Variants in XPR1 observed in about 807,000 individuals in gnomAD.
The protein encoded by XPR1 is xenotropic and polytropic retrovirus receptor 1.
A neutral mutation model predicts 87.5 loss-of-function variants in XPR1; 28 were observed. That is an observed-to-expected ratio of 0.32 (90% CI 0.24 to 0.44). XPR1 has a LOEUF of 0.44. XPR1 is among the 20% of genes least tolerant of loss of function. The pLI is 1.00. For missense variants in XPR1, 559 were observed against 862.3 expected (o/e 0.65, Z 4.41); for synonymous variants, 300 against 306.1 (o/e 0.98, Z 0.21).
intron 1 of XPR1, among the ~76,000 whole-genome samples, chr1:180,658,224 C>A (rs974017839): frequency 1.3e-5 from 2 of 152,158 alleles, no homozygotes; most frequent in African/African-American, 4.8e-5. Context: ...AAGATCATAT[C>A]ATCTGCAAAC....
intron 11 of XPR1, among the ~76,000 whole-genome samples, chr1:180,849,398 A>C (rs932962699): frequency 6.6e-6 from 1 of 152,154 alleles, no homozygotes; most frequent in African/African-American, 2.4e-5. Context: ...GTGATCCTCA[A>C]ATTTTGGTGT....
intron 2 of XPR1, among the ~76,000 whole-genome samples, chr1:180,686,940 T>G (rs1396154780): frequency 6.6e-6 from 1 of 152,304 alleles, no homozygotes; most frequent in East Asian, 1.9e-4. Flanking sequence ...GGAATTGGCA[T>G]TTAGTTTCAT....
rs373308290 is a variant in XPR1 at position 180,708,682 on chromosome 1, C to T, written c.121+26271C>T. Among the ~76,000 whole-genome samples the T allele has an allele frequency of 4.7e-4, 71 of 151,760 alleles. 1 individual carries two copies. Among genetic ancestry groups the T allele is most frequent in the African/African-American group, 1.6e-3 (68 of 41,398 alleles). On this transcript the variant is annotated intron_variant, in intron 2 of 14. Coordinates refer to ENST00000367590, the MANE Select transcript of XPR1 (RefSeq NM_004736.4). ...AAACGTGACTCTGCATATGACTTTCCTTAAATATTTTTTGAATGTTTTATT... is the reference window on the plus strand; with the variant it reads ...AAACGTGACTCTGCATATGACTTTCTTTAAATATTTTTTGAATGTTTTATT...
intron 2 of XPR1, among the ~76,000 whole-genome samples, chr1:180,711,608 G>T: frequency 6.6e-6 from 1 of 152,188 alleles, no homozygotes; most frequent in South Asian, 2.1e-4. Context: ...ACCGTGGGGA[G>T]GGGGAGAGGG....
At chr1:180,708,392 T>A (rs936421079) in intron 2 of XPR1, among the ~76,000 whole-genome samples, 1 of 152,224 alleles carries the variant, frequency 6.6e-6, no homozygotes, top group African/African-American at 2.4e-5. Context: ...ATAATAGTGA[T>A]GATGGTTGCA....
Position 180,884,150 on chromosome 1 carries a change from A to G in XPR1, c.*84A>G, listed in dbSNP as rs1652932673. The G allele has an allele frequency of 4.0e-6, 5 of 1,244,350 alleles. No individual in the cohort carries two copies. Among genetic ancestry groups the G allele is most frequent in the Non-Finnish European group, 5.7e-6 (5 of 874,800 alleles). The allele number at this position is 1,244,350 out of a possible 1,614,324, so 77.1% of individuals were successfully genotyped here. On this transcript the variant is annotated 3_prime_UTR_variant, in exon 15 of 15. Coordinates refer to ENST00000367590, the MANE Select transcript of XPR1 (RefSeq NM_004736.4). ...CCAACGCAACCTCTAGTACCTTTCC[A>G]GCCGAAAACAGGAGAAAACACATAA... is the stretch of plus-strand genomic sequence containing the variant.
intron 2 of XPR1, among the ~76,000 whole-genome samples, chr1:180,708,717 A>G (rs1248663205): frequency 6.6e-6 from 1 of 152,134 alleles, no homozygotes; most frequent in Non-Finnish European, 1.5e-5. Context: ...TTGAAATATC[A>G]TGCAACTAAA....
At chr1:180,730,483 C>G (rs1245396823) in intron 2 of XPR1, among the ~76,000 whole-genome samples, 1 of 152,182 alleles carries the variant, frequency 6.6e-6, no homozygotes, top group Non-Finnish European at 1.5e-5. Context: ...CTCCATTAAG[C>G]TTACTGTTTA....
At chr1:180,773,153 A>G (rs1019084859) in intron 2 of XPR1, among the ~76,000 whole-genome samples, 9 of 152,150 alleles carry the variant, frequency 5.9e-5, no homozygotes, top group Non-Finnish European at 1.2e-4. Flanking sequence ...GTCTCTGAAA[A>G]GGGTTATTTA....
intron 2 of XPR1, among the ~76,000 whole-genome samples, chr1:180,709,645 A>G (rs188652590): frequency 2.0e-4 from 30 of 152,124 alleles, no homozygotes; most frequent in East Asian, 5.8e-4. Flanking sequence ...GAATGTGTCA[A>G]TGTTTCATTT....
At chr1:180,761,813 C>T (rs962433108) in intron 2 of XPR1, among the ~76,000 whole-genome samples, 1 of 152,124 alleles carries the variant, frequency 6.6e-6, no homozygotes, top group Non-Finnish European at 1.5e-5. Flanking sequence ...TATAAAGACA[C>T]ATGCACACGT....
intron 11 of XPR1, among the ~76,000 whole-genome samples, chr1:180,856,765 T>C (rs1007345238): frequency 6.6e-6 from 1 of 152,234 alleles, no homozygotes; most frequent in African/African-American, 2.4e-5. Flanking sequence ...CTTAAACTTA[T>C]ACTCAATTCT....
chr1:180,843,834 G>A (rs1651594019), intron 11 of XPR1, among the ~76,000 whole-genome samples: 1 of 152,048 alleles, frequency 6.6e-6, no homozygotes, highest in African/African-American at 2.4e-5. Context: ...TGTTGCATTT[G>A]TAACACTCGT....
chr1:180,701,849 A>C lies in XPR1; in HGVS notation c.121+19438A>C, dbSNP rs572212621. 1.3e-4 allele frequency among the ~76,000 whole-genome samples: 18 copies of C among 136,840 alleles called. No homozygotes were observed. In the East Asian group the frequency reaches 3.5e-3, roughly 27 times the overall value. 89.8% of individuals were successfully genotyped at this position (136,840 alleles called of 152,430 possible). On this transcript the variant is annotated intron_variant, in intron 2 of 14. Transcript: ENST00000367590. ...TCTTTTTTTCTTTATTAGTCTTGCT[A>C]GCGGTCTATCAATTTTGTTGATCCT...
intron 2 of XPR1, among the ~76,000 whole-genome samples, chr1:180,761,975 C>T (rs953818659): frequency 1.3e-5 from 2 of 151,968 alleles, no homozygotes; most frequent in Non-Finnish European, 2.9e-5. Context: ...TTTGTAGGGA[C>T]ATGGATGAAA....
chr1:180,661,949 G>C (rs1000354341), intron 1 of XPR1, among the ~76,000 whole-genome samples: 3 of 152,044 alleles, frequency 2.0e-5, no homozygotes, highest in African/African-American at 7.2e-5. Flanking sequence ...AAAAAAGGAA[G>C]CAAAAAGAAA....
At chr1:180,644,496 T>C (rs889386955) in intron 1 of XPR1, among the ~76,000 whole-genome samples, 1 of 151,956 alleles carries the variant, frequency 6.6e-6, no homozygotes, top group African/African-American at 2.4e-5. Context: ...ATCTATTGTA[T>C]GTGAAGTTTA....
intron 6 of XPR1, 48 bp downstream of exon 6, chr1:180,806,605 T>C (rs184410463): frequency 1.9e-6 from 3 of 1,558,858 alleles, no homozygotes; most frequent in Non-Finnish European, 2.6e-6. Flanking sequence ...TATTTAATAA[T>C]CAACACAGTA....
intron 2 of XPR1, among the ~76,000 whole-genome samples, chr1:180,744,840 A>G (rs754397485): frequency 8.0e-5 from 12 of 150,804 alleles, no homozygotes; most frequent in Non-Finnish European, 1.8e-4. Flanking sequence ...TTTAGTAGAG[A>G]CGGGGTTTCA....
Sources: allele counts gnomAD v4.1 joint callset (sites outside exome capture counted in the v4.1 genomes callset), GRCh38; gene constraint gnomAD v4.1.1; transcripts MANE v1.5; gene names NCBI Gene and HGNC (gene_info 2026-07-23, HGNC 2026-07-21).